Variants in TENM3 observed in about 807,000 individuals in gnomAD.
TENM3 encodes the protein teneurin-3.
TENM3 carries 63 observed loss-of-function variants against 255.1 expected under a neutral mutation model. The observed-to-expected ratio is 0.25, with a 90% CI of 0.20 to 0.30. The LOEUF is 0.30. Among genes scored for constraint, TENM3 ranks in the 10% least tolerant of loss-of-function variants. The probability of loss-of-function intolerance (pLI) is 1.00; values close to 1 mark genes in which losing one functional copy is unlikely to be tolerated. For synonymous variants in TENM3, 1,306 were observed against 1,322.3 expected, an observed-to-expected ratio of 0.99 and a Z score of 0.27; for missense variants, 2,929 against 3,461.1, an observed-to-expected ratio of 0.85 and a Z score of 3.86.
the TENM3 span, among the ~76,000 whole-genome samples, chr4:181,967,085 C>T: frequency 2.0e-5 from 3 of 152,064 alleles, no homozygotes; most frequent in African/African-American, 7.2e-5. Flanking sequence ...AGAGACTTTG[C>T]ATGAAAGGGT....
the TENM3 span, among the ~76,000 whole-genome samples, chr4:182,038,604 C>A: frequency 1.3e-5 from 2 of 152,178 alleles, no homozygotes; most frequent in Non-Finnish European, 2.9e-5. Flanking sequence ...CCTATGACAT[C>A]CCTGCTGTAG....
chr4:181,909,711 G>A, the TENM3 span, among the ~76,000 whole-genome samples: 1 of 152,188 alleles, frequency 6.6e-6, no homozygotes, highest in East Asian at 1.9e-4. Flanking sequence ...ATGTCTACAC[G>A]CTAGGTGTTC....
At chr4:182,498,923 AG>A (rs1560833208) in intron 3 of TENM3, among the ~76,000 whole-genome samples, 1 of 152,210 alleles carries the variant, frequency 6.6e-6, no homozygotes, top group Non-Finnish European at 1.5e-5. Context: ...TTCAGTGCAC[AG>A]GATGGTTTAT....
chr4:182,426,698 C>G (rs1389143626), intron 3 of TENM3, among the ~76,000 whole-genome samples: 1 of 152,124 alleles, frequency 6.6e-6, no homozygotes, highest in Non-Finnish European at 1.5e-5. Context: ...TTTCCTTTAG[C>G]TAATACTGTA....
At chr4:182,255,431 C>G (rs550146240) in intron 1 of TENM3, among the ~76,000 whole-genome samples, 4 of 152,208 alleles carry the variant, frequency 2.6e-5, no homozygotes, top group Non-Finnish European at 4.4e-5. Flanking sequence ...GTCTCGTTCA[C>G]TCCCCTAGCA....
intron 1 of TENM3, among the ~76,000 whole-genome samples, chr4:182,205,534 G>A (rs986093399): frequency 6.6e-6 from 1 of 152,154 alleles, no homozygotes; most frequent in African/African-American, 2.4e-5. Context: ...GTGGAGCGTT[G>A]CTATGACTGA....
the TENM3 span, among the ~76,000 whole-genome samples, chr4:181,921,295 A>T: frequency 6.6e-6 from 1 of 152,114 alleles, no homozygotes; most frequent in Non-Finnish European, 1.5e-5. Flanking sequence ...CTTGATGGGG[A>T]TGGCATTGAA....
At chr4:182,609,927 A>G (rs1418389267) in intron 4 of TENM3, among the ~76,000 whole-genome samples, 6 of 152,236 alleles carry the variant, frequency 3.9e-5, no homozygotes, top group Non-Finnish European at 8.8e-5. Context: ...TTTAATAACT[A>G]CAAAGGTAAA....
At chr4:182,373,869 T>C (rs1767007798) in intron 3 of TENM3, among the ~76,000 whole-genome samples, 1 of 152,150 alleles carries the variant, frequency 6.6e-6, no homozygotes, top group African/African-American at 2.4e-5. Context: ...CTATACAACA[T>C]TTAAAGACTT....
intron 3 of TENM3, among the ~76,000 whole-genome samples, chr4:182,354,013 A>G (rs1765362942): frequency 6.6e-6 from 1 of 152,072 alleles, no homozygotes. Flanking sequence ...TAAAAAATTT[A>G]GTATTATGAA....
At chr4:181,644,265 G>A in the TENM3 span, among the ~76,000 whole-genome samples, 4 of 151,886 alleles carry the variant, frequency 2.6e-5, no homozygotes, top group African/African-American at 9.7e-5. Flanking sequence ...TTCTGATTAT[G>A]AACAGAAGGG....
intron 3 of TENM3, among the ~76,000 whole-genome samples, chr4:182,430,487 G>A (rs1771539030): frequency 1.3e-5 from 2 of 152,052 alleles, no homozygotes; most frequent in Non-Finnish European, 2.9e-5. Flanking sequence ...AGGGGAGGTT[G>A]CAGTGAGCCA....
intron 3 of TENM3, among the ~76,000 whole-genome samples, chr4:182,398,585 G>A (rs1769011457): frequency 1.3e-5 from 2 of 152,146 alleles, no homozygotes; most frequent in Non-Finnish European, 1.5e-5. Context: ...GGAATGAGTC[G>A]CATGCAGATA....
At chr4:181,772,500 T>C in the TENM3 span, among the ~76,000 whole-genome samples, 1 of 152,228 alleles carries the variant, frequency 6.6e-6, no homozygotes, top group Non-Finnish European at 1.5e-5. Context: ...GGATACTGAC[T>C]GAGCTAATAC....
the TENM3 span, among the ~76,000 whole-genome samples, chr4:181,557,917 A>G: frequency 2.6e-5 from 4 of 152,234 alleles, no homozygotes; most frequent in Admixed American, 2.6e-4. Flanking sequence ...AAGACGTTGT[A>G]GGAGAGTGAA....
At chr4:182,342,962 T>G (rs1181904061) in intron 2 of TENM3, among the ~76,000 whole-genome samples, 3 of 152,190 alleles carry the variant, frequency 2.0e-5, no homozygotes, top group African/African-American at 7.2e-5. Context: ...TAACCCATTT[T>G]CCCAATCTCC....
chr4:182,690,605 A>G (rs926429531), intron 12 of TENM3, among the ~76,000 whole-genome samples: 1 of 152,204 alleles, frequency 6.6e-6, no homozygotes, highest in Non-Finnish European at 1.5e-5. Flanking sequence ...CTTAGGAAGT[A>G]CAACAAACAC....
the TENM3 span, among the ~76,000 whole-genome samples, chr4:182,039,852 GAGA>G: frequency 6.8e-6 from 1 of 146,328 alleles, no homozygotes; most frequent in Non-Finnish European, 1.5e-5. Context: ...ATTGAAGAAA[GAGA>G]AGGAGGAAGT....
chr4:182,007,509 G>A, the TENM3 span, among the ~76,000 whole-genome samples: 2 of 151,980 alleles, frequency 1.3e-5, no homozygotes, highest in Non-Finnish European at 2.9e-5. Flanking sequence ...ATCTTTGTTG[G>A]TTTAAAGTCT....
Sources: gnomAD v4.1 joint callset for allele counts (sites outside exome capture counted in the v4.1 genomes callset) on GRCh38, gnomAD v4.1.1 for gene constraint, MANE v1.5 for transcripts, NCBI Gene and HGNC (gene_info 2026-07-23, HGNC 2026-07-21) for gene names.